The following UTRN variants were observed in gnomAD, a reference collection of about 807,000 sequenced individuals.
UTRN encodes the protein utrophin.
UTRN carries 283 observed loss-of-function variants against 463.9 expected under a neutral mutation model. The observed-to-expected ratio is 0.61, with a 90% CI of 0.55 to 0.67. UTRN has a LOEUF of 0.67. Among genes scored for constraint, UTRN ranks in the 30% least tolerant of loss-of-function variants. The pLI is 0.00. For synonymous variants in UTRN, 1,442 were observed against 1,431.5 expected (o/e 1.01, Z -0.17); for missense variants, 3,922 against 4,084.3 (o/e 0.96, Z 1.08).
Position 144,851,280 on chromosome 6 carries a change from G to T in UTRN, c.*283G>T, listed in dbSNP as rs1049307226. 1 of 488,950 alleles carries T rather than the reference G, an allele frequency of 2.0e-6. No homozygotes were observed. The highest frequency in any genetic ancestry group is 5.7e-4 in the Middle Eastern group (1 of 1,740). 30.3% of individuals were successfully genotyped at this position (488,950 alleles called of 1,614,324 possible). A position where few individuals can be genotyped will look rare whatever the true frequency, so the allele number is the denominator to read the frequency against. On this transcript the variant is annotated 3_prime_UTR_variant, in exon 75 of 75. Transcript: ENST00000367545. ...TGGAAATGGTAATACATTTGTCACG[G>T]ATTTGTATAATGTATACAGCATTGG...
intron 66 of UTRN, among the ~76,000 whole-genome samples, chr6:144,825,415 C>CT (rs1372963990): frequency 6.6e-6 from 1 of 152,126 alleles, no homozygotes; most frequent in Admixed American, 6.5e-5. Flanking sequence ...ATCATTTAAT[C>CT]TTTTTTTCTA....
chr6:144,526,777 A>G (rs773481318), intron 41 of UTRN, among the ~76,000 whole-genome samples: 6 of 133,588 alleles, frequency 4.5e-5, no homozygotes, highest in Non-Finnish European at 6.4e-5. Flanking sequence ...TGTTATTGTT[A>G]ATAGGTTCTT....
At chr6:144,503,955 C>G (rs541078021) in intron 34 of UTRN, among the ~76,000 whole-genome samples, 1 of 152,266 alleles carries the variant, frequency 6.6e-6, no homozygotes, top group South Asian at 2.1e-4. Context: ...TGAAGAGCTC[C>G]TTCACATCCC....
Position 144,523,001 on chromosome 6 carries a change from A to T in UTRN, c.5734-15A>T. On this transcript the variant is annotated splice_polypyrimidine_tract_variant and intron_variant, in intron 40 of 74. Coordinates refer to ENST00000367545, the MANE Select transcript of UTRN (RefSeq NM_007124.3). ...CTTTGCTGGATTTTGTTAATCTATG[A>T]CAATATATTTTTAGAATATCAAAGA... 1 of 1,565,584 alleles carries T rather than the reference A, an allele frequency of 6.4e-7. No individual in the cohort carries two copies. Among genetic ancestry groups the T allele is most frequent in the Non-Finnish European group, 8.6e-7 (1 of 1,157,148 alleles).
intron 60 of UTRN, among the ~76,000 whole-genome samples, chr6:144,776,050 C>T (rs1775293897): frequency 6.6e-6 from 1 of 152,172 alleles, no homozygotes; most frequent in East Asian, 1.9e-4. Flanking sequence ...CTTCACTTTT[C>T]CTACAGCCTT....
At chr6:144,754,650 C>T in intron 56 of UTRN, 70 bp from the exon 57 acceptor site, 2 of 1,489,194 alleles carry the variant, frequency 1.3e-6, no homozygotes. Flanking sequence ...GTCTTTAAAG[C>T]AAAAATATTA....
intron 50 of UTRN, among the ~76,000 whole-genome samples, chr6:144,572,362 C>T (rs1801021612): frequency 6.6e-6 from 1 of 151,812 alleles, no homozygotes; most frequent in African/African-American, 2.4e-5. Flanking sequence ...TTATAATTAG[C>T]TCAATTATTA....
chr6:144,557,645 G>C (rs1271082988), intron 50 of UTRN, among the ~76,000 whole-genome samples: 1 of 151,952 alleles, frequency 6.6e-6, no homozygotes, highest in Non-Finnish European at 1.5e-5. Context: ...GAGTGCAGGT[G>C]TTTACAGATG....
rs1776673253 is a variant in UTRN, at chr6:144,790,550, A to G, written c.8920+1271A>G. On this transcript the variant is annotated intron_variant, in intron 62 of 74. Transcript: ENST00000367545. ...GAAAAGAAATGTGGATTTATATAAAATGAAAAGCTGATTGTAGGATTAGGA... is the reference window on the plus strand; with the variant it reads ...GAAAAGAAATGTGGATTTATATAAAGTGAAAAGCTGATTGTAGGATTAGGA... Among the ~76,000 whole-genome samples, 2 of 152,230 alleles carry G rather than the reference A, an allele frequency of 1.3e-5. 1 individual carries two copies. Among genetic ancestry groups the G allele is most frequent in the South Asian group, 4.1e-4 (2 of 4,836 alleles).
intron 46 of UTRN, among the ~76,000 whole-genome samples, chr6:144,547,428 G>A (rs117999513): frequency 1.3e-3 from 198 of 152,188 alleles, no homozygotes; most frequent in Non-Finnish European, 2.4e-3. Flanking sequence ...AGCTACTTCA[G>A]TCCTCTGAAG....
At chr6:144,359,537 C>T (rs749977720) in intron 2 of UTRN, among the ~76,000 whole-genome samples, 4 of 152,118 alleles carry the variant, frequency 2.6e-5, no homozygotes, top group Non-Finnish European at 5.9e-5. Flanking sequence ...ACACGTTTAA[C>T]GTCATCAGTT....
At chr6:144,426,080 C>G (rs987549914) in intron 6 of UTRN, among the ~76,000 whole-genome samples, 3 of 152,136 alleles carry the variant, frequency 2.0e-5, no homozygotes, top group African/African-American at 7.2e-5. Flanking sequence ...AGGTAAAAAT[C>G]ACCTCAAATT....
At chr6:144,364,224 G>A (rs1051626927) in intron 2 of UTRN, among the ~76,000 whole-genome samples, 2 of 152,210 alleles carry the variant, frequency 1.3e-5, no homozygotes, top group African/African-American at 4.8e-5. Context: ...AACTGTGATG[G>A]AAGGAACTTG....
At chr6:144,572,496 G>A (rs1477212728) in intron 50 of UTRN, among the ~76,000 whole-genome samples, 6 of 151,992 alleles carry the variant, frequency 3.9e-5, no homozygotes, top group African/African-American at 1.4e-4. Context: ...TGTCATCTAG[G>A]TTTTAAGCCC....
intron 25 of UTRN, among the ~76,000 whole-genome samples, chr6:144,476,437 A>G (rs2128570830): frequency 6.6e-6 from 1 of 152,246 alleles, no homozygotes; most frequent in East Asian, 1.9e-4. Context: ...GACCTAAGGA[A>G]AGAATTGGAT....
At chr6:144,685,603 C>T (rs1453527360) in intron 52 of UTRN, among the ~76,000 whole-genome samples, 2 of 152,088 alleles carry the variant, frequency 1.3e-5, no homozygotes, top group Non-Finnish European at 2.9e-5. Flanking sequence ...CCAGCATTTC[C>T]CTGAGGATTA....
chr6:144,391,167 G>A (rs1195520302), intron 2 of UTRN, among the ~76,000 whole-genome samples: 1 of 151,932 alleles, frequency 6.6e-6, no homozygotes, highest in Non-Finnish European at 1.5e-5. Flanking sequence ...AAACTCCTGG[G>A]CTCAAGCAAT....
chr6:144,774,269 T>C (rs760904353), intron 59 of UTRN, 21 bp from the exon 60 acceptor site: 6 of 1,590,546 alleles, frequency 3.8e-6, no homozygotes, highest in Non-Finnish European at 5.1e-6. Context: ...TATCTTCAAA[T>C]TGTTTCTTTT....
intron 52 of UTRN, among the ~76,000 whole-genome samples, chr6:144,682,398 G>A (rs1022417607): frequency 7.2e-5 from 11 of 152,086 alleles, no homozygotes; most frequent in African/African-American, 2.4e-4. Context: ...GAACACTTAG[G>A]TTGCTTCCAA....
Sources: gnomAD v4.1 joint callset for allele counts (sites outside exome capture counted in the v4.1 genomes callset) on GRCh38, gnomAD v4.1.1 for gene constraint, MANE v1.5 for transcripts, NCBI Gene and HGNC (gene_info 2026-07-23, HGNC 2026-07-21) for gene names.